The following AGPS variants were observed in gnomAD, a reference collection of about 807,000 sequenced individuals.
The protein encoded by AGPS is alkylglycerone phosphate synthase.
A neutral mutation model predicts 90.7 loss-of-function variants in AGPS; 26 were observed. The ratio of observed to expected loss-of-function variants is 0.29; its 90% CI spans 0.21 to 0.40. The LOEUF is 0.40. Among genes scored for constraint, AGPS ranks in the 10% least tolerant of loss-of-function variants. AGPS has a pLI of 1.00. For synonymous variants in AGPS, 294 were observed against 285.3 expected (o/e 1.03, Z -0.31); for missense variants, 540 against 816.1 (o/e 0.66, Z 4.12).
chr2:177,478,889 T>G (rs1032733188), intron 10 of AGPS, among the ~76,000 whole-genome samples: 1 of 151,750 alleles, frequency 6.6e-6, no homozygotes, highest in Non-Finnish European at 1.5e-5. Flanking sequence ...AGGCTATATC[T>G]CTAGTGAATC....
chr2:177,416,594 C>T (rs560041509), intron 1 of AGPS, among the ~76,000 whole-genome samples: 19 of 151,138 alleles, frequency 1.3e-4, no homozygotes, highest in Admixed American at 2.6e-4. Context: ...GGTGTGATCT[C>T]GGCTCACTGC....
intron 12 of AGPS, 126 bp from the exon 13 acceptor site, chr2:177,497,563 G>A: frequency 2.4e-6 from 1 of 420,794 alleles, no homozygotes; most frequent in Non-Finnish European, 4.3e-6. Flanking sequence ...AAATAACACG[G>A]GAAGATTTTA....
At chr2:177,538,004 A>G (rs1237261303) in intron 19 of AGPS, 70 bp from the exon 20 acceptor site, 8 of 1,576,536 alleles carry the variant, frequency 5.1e-6, no homozygotes, top group Middle Eastern at 1.7e-4. Context: ...TTGTTCACTC[A>G]TGGTCACAAG....
chr2:177,458,076 C>G (rs1354245458), intron 8 of AGPS, among the ~76,000 whole-genome samples: 3 of 152,154 alleles, frequency 2.0e-5, no homozygotes, highest in Non-Finnish European at 4.4e-5. Flanking sequence ...TAAACAGAAC[C>G]AAGGACACAA....
chr2:177,473,508 C>T (rs538281280), intron 10 of AGPS, among the ~76,000 whole-genome samples: 1 of 151,950 alleles, frequency 6.6e-6, no homozygotes, highest in Non-Finnish European at 1.5e-5. Flanking sequence ...ATACAAGCCT[C>T]TCTGATGTCA....
intron 19 of AGPS, among the ~76,000 whole-genome samples, chr2:177,535,388 A>G (rs554925265): frequency 4.9e-4 from 75 of 152,296 alleles, no homozygotes; most frequent in African/African-American, 1.6e-3. Flanking sequence ...AGGAACTGCT[A>G]TATAGTTGTA....
At chr2:177,528,326 C>G (rs1381925525) in intron 19 of AGPS, among the ~76,000 whole-genome samples, 1 of 152,190 alleles carries the variant, frequency 6.6e-6, no homozygotes. Flanking sequence ...GGTTTCTTCT[C>G]ACATTCAGAA....
At chr2:177,521,561 G>A (rs1196817891) in intron 18 of AGPS, among the ~76,000 whole-genome samples, 193 bp downstream of exon 18, 4 of 152,170 alleles carry the variant, frequency 2.6e-5, no homozygotes, top group Non-Finnish European at 4.4e-5. Flanking sequence ...TTAAGGTACT[G>A]TACACCTAGT....
At position 177,541,453 on chromosome 2, in the gene AGPS, A is replaced by C. The variant is rs1343717889; in HGVS notation, c.*3258A>C. The C allele has an allele frequency of 6.6e-6, 1 of 152,140 alleles. No homozygotes were observed. The allele number at this position is 152,140 out of a possible 1,614,324, so 9.4% of individuals were successfully genotyped here. A position where few individuals can be genotyped will look rare whatever the true frequency, so the allele number is the denominator to read the frequency against. ...TTTGGTTGAACTTCCATTCTGTATA[A>C]ATGCTAGAACACAGTTACTACAGAT... On this transcript the variant is annotated 3_prime_UTR_variant, in exon 20 of 20. Transcript: ENST00000264167.
intron 1 of AGPS, among the ~76,000 whole-genome samples, chr2:177,397,819 A>G (rs530594295): frequency 6.6e-6 from 1 of 152,356 alleles, no homozygotes; most frequent in Admixed American, 6.5e-5. Flanking sequence ...ACTTGAGCCC[A>G]GGAATTCAAG....
chr2:177,462,379 C>T lies in AGPS; in HGVS notation c.996+361C>T, dbSNP rs569507773. 7.1e-5 allele frequency among the ~76,000 whole-genome samples: 8 copies of T among 113,174 alleles called. No individual in the cohort carries two copies. The South Asian group carries it at 1.9e-3, about 26-fold the overall frequency. 74.2% of individuals were successfully genotyped at this position (113,174 alleles called of 152,430 possible). A position where few individuals can be genotyped will look rare whatever the true frequency, so the allele number is the denominator to read the frequency against. On this transcript the variant is annotated intron_variant, in intron 9 of 19. Transcript: ENST00000264167. ...CTGCACTCCAGCCTGGGCGACAGAG[C>T]GAGATTCTGTCTCAAAAAAAAAAAA...
chr2:177,410,302 A>G (rs1208158670), intron 1 of AGPS, among the ~76,000 whole-genome samples: 1 of 152,136 alleles, frequency 6.6e-6, no homozygotes, highest in African/African-American at 2.4e-5. Context: ...CTGGCAGCAT[A>G]AGACTGCCAC....
At chr2:177,409,277 C>T (rs1406615724) in intron 1 of AGPS, among the ~76,000 whole-genome samples, 4 of 151,848 alleles carry the variant, frequency 2.6e-5, no homozygotes, top group African/African-American at 4.8e-5. Flanking sequence ...AAACAGAGCC[C>T]ATACAATGGG....
intron 12 of AGPS, 127 bp from the exon 13 acceptor site, chr2:177,497,562 G>A (rs1220332613): frequency 9.7e-6 from 4 of 411,310 alleles, no homozygotes; most frequent in Non-Finnish European, 1.8e-5. Flanking sequence ...TAAATAACAC[G>A]GGAAGATTTT....
chr2:177,500,332 C>G (rs914299552), intron 14 of AGPS, among the ~76,000 whole-genome samples: 1 of 151,940 alleles, frequency 6.6e-6, no homozygotes, highest in African/African-American at 2.4e-5. Context: ...TGCCATTTAT[C>G]AGGACTATGT....
chr2:177,468,367 C>T (rs374633339), intron 9 of AGPS, 49 bp from the exon 10 acceptor site: 29 of 1,093,834 alleles, frequency 2.7e-5, no homozygotes, highest in Non-Finnish European at 4.1e-5. Flanking sequence ...CATAGACACA[C>T]ATTCACTAAC....
intron 11 of AGPS, among the ~76,000 whole-genome samples, chr2:177,492,609 G>A (rs937273498): frequency 3.9e-5 from 6 of 152,198 alleles, no homozygotes; most frequent in African/African-American, 1.2e-4. Flanking sequence ...ATTTTTGTTT[G>A]GAATATGATA....
chr2:177,468,110 A>G (rs1574393308), intron 9 of AGPS, among the ~76,000 whole-genome samples: 1 of 152,110 alleles, frequency 6.6e-6, no homozygotes, highest in East Asian at 1.9e-4. Flanking sequence ...TCTGTGCCAT[A>G]TGGATAACCC....
At position 177,541,196 on chromosome 2, in the gene AGPS, G is replaced by A. The variant is rs1004668136; in HGVS notation, c.*3001G>A. 8 of 152,078 alleles carry A rather than the reference G, an allele frequency of 5.3e-5. No homozygotes were observed. The highest frequency in any genetic ancestry group is 3.9e-4 in the Admixed American group (6 of 15,238). The allele number at this position is 152,078 out of a possible 1,614,324, so 9.4% of individuals were successfully genotyped here. On this transcript the variant is annotated 3_prime_UTR_variant, in exon 20 of 20. Transcript: ENST00000264167. Reference sequence around the variant, plus strand: ...ATAAAGGATGAGCTTCCATCGGTGTGTATGGTATACCAGATACAGATGGTT... The same window carrying A: ...ATAAAGGATGAGCTTCCATCGGTGTATATGGTATACCAGATACAGATGGTT...
Sources: gnomAD v4.1 joint callset for allele counts (sites outside exome capture counted in the v4.1 genomes callset) on GRCh38, gnomAD v4.1.1 for gene constraint, MANE v1.5 for transcripts, NCBI Gene and HGNC (gene_info 2026-07-23, HGNC 2026-07-21) for gene names.